IL15: variants seen among roughly 807,000 people sequenced by gnomAD.
The protein encoded by IL15 is interleukin-15.
Under a neutral mutation model 19.6 loss-of-function variants are expected in IL15, and 11 were observed. That is an observed-to-expected ratio of 0.56 (90% confidence interval 0.35 to 0.93). The LOEUF is 0.93. Ranked by LOEUF, IL15 falls within the 40% of genes least tolerant of loss-of-function variation. IL15 has a pLI of 0.01. For synonymous variants in IL15, 58 were observed against 59.6 expected, an observed-to-expected ratio of 0.97 and a Z score of 0.12; for missense variants, 197 against 186.5, an observed-to-expected ratio of 1.06 and a Z score of -0.33.
At chr4:141,716,234 C>T (rs923173551) in intron 2 of IL15, 1 of 152,264 alleles carries the variant, frequency 6.6e-6, no homozygotes, top group Non-Finnish European at 1.5e-5. Flanking sequence ...GAGGACAGGG[C>T]TGGGATTTAG....
At chr4:141,721,851 C>T in intron 4 of IL15, 73 bp from the exon 5 acceptor site, 1 of 1,287,232 alleles carries the variant, frequency 7.8e-7, no homozygotes, top group Non-Finnish European at 1.1e-6. Flanking sequence ...TTATTGATTG[C>T]TCTTTTGCTT....
At chr4:141,642,405 C>A (rs1727076907) in intron 1 of IL15, among the ~76,000 whole-genome samples, 2 of 152,090 alleles carry the variant, frequency 1.3e-5, no homozygotes, top group African/African-American at 2.4e-5. Context: ...GTAGGGTATG[C>A]CAGAGGTGCG....
chr4:141,713,057 AGT>A (rs1729761597), intron 2 of IL15, among the ~76,000 whole-genome samples: 1 of 152,194 alleles, frequency 6.6e-6, no homozygotes, highest in Non-Finnish European at 1.5e-5. Flanking sequence ...AAATCATTAT[AGT>A]AACCCAAGTT....
At chr4:141,719,589 A>T in intron 3 of IL15, 113 bp downstream of exon 3, 3 of 785,074 alleles carry the variant, frequency 3.8e-6, no homozygotes, top group Non-Finnish European at 6.0e-6. Context: ...TTGAGATATC[A>T]CAGATGTCTG....
intron 2 of IL15, among the ~76,000 whole-genome samples, chr4:141,696,465 A>G (rs1239043229): frequency 1.3e-5 from 2 of 152,082 alleles, no homozygotes; most frequent in African/African-American, 4.8e-5. Context: ...TATGTGAAAA[A>G]TATCATTGGT....
chr4:141,685,361 A>G (rs1215701100), intron 2 of IL15, among the ~76,000 whole-genome samples: 1 of 152,226 alleles, frequency 6.6e-6, no homozygotes, highest in Non-Finnish European at 1.5e-5. Context: ...CTCAGTATGT[A>G]TGAAACAAGT....
At chr4:141,669,506 G>T (rs896597600) in intron 2 of IL15, among the ~76,000 whole-genome samples, 1 of 152,222 alleles carries the variant, frequency 6.6e-6, no homozygotes, top group African/African-American at 2.4e-5. Flanking sequence ...TCAGGGATCA[G>T]AGAGAGGTGT....
At chr4:141,721,887 T>G (rs1208940799) in intron 4 of IL15, 37 bp from the exon 5 acceptor site, 2 of 1,518,174 alleles carry the variant, frequency 1.3e-6, no homozygotes. Flanking sequence ...ATGAATAGGC[T>G]CCTTCAAAAT....
intron 5 of IL15, among the ~76,000 whole-genome samples, chr4:141,724,664 A>C (rs1229571750): frequency 6.6e-6 from 1 of 152,172 alleles, no homozygotes; most frequent in African/African-American, 2.4e-5. Flanking sequence ...AAGAAAAACT[A>C]TGAACAATTT....
In IL15 at chr4:141,668,816, T is replaced by C. The variant is rs187416674; in HGVS notation, c.-100+12509T>C. Among the ~76,000 whole-genome samples, 322 of 152,328 alleles carry C rather than the reference T, an allele frequency of 2.1e-3. 3 individuals carry two copies. Among genetic ancestry groups the C allele is most frequent in the African/African-American group, 7.5e-3 (313 of 41,584 alleles). ...TTAGACCAACTTTCATTTTCATGATTGAAGCCTTAGGAAAGCTAGACAATA... is the reference window on the plus strand; with the variant it reads ...TTAGACCAACTTTCATTTTCATGATCGAAGCCTTAGGAAAGCTAGACAATA... On this transcript the variant is annotated intron_variant, in intron 2 of 7. Coordinates refer to ENST00000320650, the MANE Select transcript of IL15 (RefSeq NM_000585.5).
chr4:141,675,788 G>T (rs2152169865), intron 2 of IL15, among the ~76,000 whole-genome samples: 1 of 152,302 alleles, frequency 6.6e-6, no homozygotes, highest in South Asian at 2.1e-4. Context: ...TGTAGCTGCA[G>T]CTACAACAGC....
intron 2 of IL15, among the ~76,000 whole-genome samples, chr4:141,661,710 C>T (rs1727796332): frequency 6.6e-6 from 1 of 152,134 alleles, no homozygotes; most frequent in South Asian, 2.1e-4. Flanking sequence ...TCTTGAAGTA[C>T]AGTTTGTGTA....
At chr4:141,713,190 G>A (rs1424017432) in intron 2 of IL15, among the ~76,000 whole-genome samples, 1 of 152,142 alleles carries the variant, frequency 6.6e-6, no homozygotes, top group African/African-American at 2.4e-5. Flanking sequence ...AGCAATTGCT[G>A]AAAATGTCTT....
intron 2 of IL15, among the ~76,000 whole-genome samples, chr4:141,690,220 G>A (rs991291227): frequency 4.6e-5 from 7 of 152,136 alleles, no homozygotes; most frequent in Non-Finnish European, 1.0e-4. Flanking sequence ...ACGCAGGCCC[G>A]GTTCCCGCTC....
At chr4:141,648,067 T>C (rs1020452632) in intron 1 of IL15, among the ~76,000 whole-genome samples, 2 of 152,022 alleles carry the variant, frequency 1.3e-5, no homozygotes, top group Non-Finnish European at 2.9e-5. Context: ...ATCCAACATA[T>C]ATTCCTGAGG....
At chr4:141,660,959 A>C (rs555228882) in intron 2 of IL15, among the ~76,000 whole-genome samples, 9 of 152,156 alleles carry the variant, frequency 5.9e-5, no homozygotes, top group Non-Finnish European at 1.3e-4. Context: ...TCTTGGTGAT[A>C]CTGCATCCTC....
chr4:141,701,814 C>T (rs1272964719), intron 2 of IL15, among the ~76,000 whole-genome samples: 1 of 152,174 alleles, frequency 6.6e-6, no homozygotes, highest in Non-Finnish European at 1.5e-5. Context: ...CTCATAGCCT[C>T]ACTCCTGTAC....
intron 2 of IL15, among the ~76,000 whole-genome samples, chr4:141,674,414 T>C (rs910116386): frequency 8.6e-5 from 13 of 151,900 alleles, no homozygotes; most frequent in Non-Finnish European, 1.2e-4. Context: ...ATTTCAGAAA[T>C]ATAAAATGTG....
intron 2 of IL15, among the ~76,000 whole-genome samples, chr4:141,661,924 A>T (rs1213976352): frequency 6.6e-6 from 1 of 151,886 alleles, no homozygotes; most frequent in Non-Finnish European, 1.5e-5. Context: ...TCATACCTTT[A>T]TTGTTTTTCT....
Sources: gnomAD v4.1 joint callset for allele counts (sites outside exome capture counted in the v4.1 genomes callset) on GRCh38, gnomAD v4.1.1 for gene constraint, MANE v1.5 for transcripts, NCBI Gene and HGNC (gene_info 2026-07-23, HGNC 2026-07-21) for gene names.